Variants in TGM3 observed in about 807,000 individuals in gnomAD.
The protein encoded by TGM3 is transglutaminase 3.
In TGM3, 52 loss-of-function variants were observed where a neutral mutation model predicts 73.8. The ratio of observed to expected loss-of-function variants is 0.70; its 90% CI spans 0.56 to 0.89. The LOEUF (loss-of-function observed/expected upper bound fraction) is 0.89, where lower values mean the gene tolerates loss of function less well. TGM3 is among the 40% of genes least tolerant of loss of function. The probability of loss-of-function intolerance (pLI) is 0.00; values close to 1 mark genes in which losing one functional copy is unlikely to be tolerated. For missense variants in TGM3, 928 were observed against 909.9 expected (o/e 1.02, Z -0.26); for synonymous variants, 372 against 354.9 (o/e 1.05, Z -0.54).
Position 2,340,562 on chromosome 20 carries a change from C to A in TGM3, c.2063C>A (p.Ser688Tyr). The A allele has an allele frequency of 6.2e-7, 1 of 1,614,164 alleles. No individual in the cohort carries two copies. The highest frequency in any genetic ancestry group is 8.5e-7 in the Non-Finnish European group (1 of 1,180,024). The change falls in exon 13 of 13, where the codon TCC (serine) becomes TAC (tyrosine). Residue 688 changes from serine to tyrosine, a missense_variant. By Grantham distance (144) the Ser-to-Tyr change is moderately radical. Coordinates refer to ENST00000381458, the MANE Select transcript of TGM3 (RefSeq NM_003245.4). ...TTCCCTGCAATCAAGGCCATGTTGT[C>A]CATCGATGTAGCCGAATGAAGGGCG... ...NKFPAIKAML[S>Y]IDVAE is the part of the protein sequence containing the mutation.
chr20:2,306,862 G>A (rs2084179081), intron 1 of TGM3, among the ~76,000 whole-genome samples: 1 of 152,178 alleles, frequency 6.6e-6, no homozygotes. Flanking sequence ...AGGTTGGCAG[G>A]AGGAGAGGGG....
intron 7 of TGM3, among the ~76,000 whole-genome samples, chr20:2,321,369 C>G (rs1402317170): frequency 1.3e-5 from 2 of 152,148 alleles, no homozygotes; most frequent in Non-Finnish European, 1.5e-5. Context: ...TCAGAGACAG[C>G]ACAGAGGTAT....
At chr20:2,309,551 C>A in intron 1 of TGM3, 106 bp from the exon 2 acceptor site, 2 of 1,172,246 alleles carry the variant, frequency 1.7e-6, no homozygotes, top group Non-Finnish European at 2.4e-6. Context: ...TTGGCTCTGC[C>A]CTTGACAAGC....
At chr20:2,312,384 A>C (rs1296759871) in intron 4 of TGM3, among the ~76,000 whole-genome samples, 1 of 138,598 alleles carries the variant, frequency 7.2e-6, no homozygotes, top group Admixed American at 7.3e-5. Context: ...GTGACAGAGC[A>C]AGACTCCGTC....
chr20:2,337,645 G>A (rs923553660), intron 11 of TGM3, among the ~76,000 whole-genome samples: 11 of 149,602 alleles, frequency 7.4e-5, no homozygotes, highest in Non-Finnish European at 1.3e-4. Flanking sequence ...GCTTGAACCC[G>A]AGAGGCAGCG....
intron 1 of TGM3, among the ~76,000 whole-genome samples, chr20:2,305,980 C>T (rs1419405756): frequency 6.6e-6 from 1 of 152,194 alleles, no homozygotes; most frequent in Non-Finnish European, 1.5e-5. Context: ...CCTAGTGTGG[C>T]GTGCAAAATA....
intron 9 of TGM3, 128 bp from the exon 10 acceptor site, chr20:2,331,874 G>A: frequency 8.9e-7 from 1 of 1,121,792 alleles, no homozygotes; most frequent in Non-Finnish European, 1.3e-6. Context: ...ACCTGTGAAA[G>A]TCGAATGCCT....
Position 2,335,466 on chromosome 20 carries a change from C to T in TGM3, c.1800+193C>T, listed in dbSNP as rs560758996. ...ATAGCCAAGAGCTCCCACTCAGGCC[C>T]GTGTTCCTGCTCCCTGTCTGGTGAG... On this transcript the variant is annotated intron_variant, in intron 11 of 12. Coordinates refer to ENST00000381458, the MANE Select transcript of TGM3 (RefSeq NM_003245.4). Among the ~76,000 whole-genome samples, 181 of 152,334 alleles carry T rather than the reference C, an allele frequency of 1.2e-3. No homozygotes were observed. In the Middle Eastern group the frequency reaches 0.017, roughly 14 times the overall value.
At chr20:2,325,772 G>A in intron 7 of TGM3, 77 bp from the exon 8 acceptor site, 3 of 1,039,600 alleles carry the variant, frequency 2.9e-6, no homozygotes, top group South Asian at 2.7e-5. Context: ...GCACTGTTGG[G>A]GCAAAGATGT....
chr20:2,334,189 T>C lies in TGM3; in HGVS notation c.1643-927T>C, dbSNP rs189563951. 2.0e-5 allele frequency among the ~76,000 whole-genome samples: 3 copies of C among 152,244 alleles called. No individual in the cohort carries two copies. Among genetic ancestry groups the C allele is most frequent in the Admixed American group, 6.5e-5 (1 of 15,284 alleles). ...AGAGAAGCCAGGGGAGGCATTTCCA[T>C]CTGGGGGAACCATGTGAGTCAAAAT... On this transcript the variant is annotated intron_variant, in intron 10 of 12. Coordinates refer to ENST00000381458, the MANE Select transcript of TGM3 (RefSeq NM_003245.4). The surrounding 1 kb of genome is among the most constrained non-coding windows in gnomAD (Gnocchi z 4.0).
At chr20:2,321,576 G>A (rs1189625916) in intron 7 of TGM3, among the ~76,000 whole-genome samples, 1 of 152,176 alleles carries the variant, frequency 6.6e-6, no homozygotes, top group African/African-American at 2.4e-5. Context: ...TTTTATAAAC[G>A]TCAAAGACTG....
At position 2,328,159 on chromosome 20, in the gene TGM3, G is replaced by T; in HGVS notation, c.1127G>T (p.Arg376Leu). 6.2e-7 allele frequency: 1 copy of T among 1,614,162 alleles called. No homozygotes were observed. The highest frequency in any genetic ancestry group is 8.5e-7 in the Non-Finnish European group (1 of 1,180,040). Residue 376 changes from arginine to leucine, a missense_variant, in exon 9 of 13, where the codon CGA becomes CTA. Coordinates refer to ENST00000381458, the MANE Select transcript of TGM3 (RefSeq NM_003245.4). This position sits in a 1 kb window ranked among gnomAD's most constrained non-coding sequence, Gnocchi z 5.2. ...QCGPASVIGV[R>L]EGDVQLNFDM... The stretch of plus-strand genomic sequence containing the variant: ...GGCCCCGCTTCGGTCATTGGTGTTC[G>T]AGAGGGTGATGTGCAGCTGAACTTC...
At position 2,340,692 on chromosome 20, in the gene TGM3, C is replaced by T. The variant is rs2084377112; in HGVS notation, c.*111C>T. 3 of 1,434,050 alleles carry T rather than the reference C, an allele frequency of 2.1e-6. No homozygotes were observed. In the East Asian group the frequency reaches 7.3e-5, roughly 35 times the overall value. The allele number at this position is 1,434,050 out of a possible 1,614,324, so 88.8% of individuals were successfully genotyped here. ...CGGCCTGGGAAACCCTCTCCATCTC[C>T]CAAGGCTGCCAGACATGGACCTCCA... On this transcript the variant is annotated 3_prime_UTR_variant, in exon 13 of 13. Transcript: ENST00000381458.
intron 7 of TGM3, 40 bp from the exon 8 acceptor site, chr20:2,325,809 G>A (rs1326013215): frequency 1.4e-6 from 2 of 1,408,638 alleles, no homozygotes; most frequent in Non-Finnish European, 2.0e-6. Context: ...TCTGCTGTGT[G>A]GTCTTGGGCA....
intron 1 of TGM3, among the ~76,000 whole-genome samples, chr20:2,301,375 C>G (rs1043763763): frequency 2.0e-5 from 3 of 149,148 alleles, no homozygotes; most frequent in African/African-American, 7.5e-5. Flanking sequence ...CCGTGACTTC[C>G]CCTTTCATGA....
At chr20:2,340,033 C>CGGGGGGG in intron 12 of TGM3, 46 bp downstream of exon 12, 5 of 196,588 alleles carry the variant, frequency 2.5e-5, no homozygotes, top group East Asian at 1.6e-4. Flanking sequence ...CGGGAGGGGG[C>CGGGGGGG]GGGGGGGCCC....
At chr20:2,320,063 T>C (rs1238773183) in intron 7 of TGM3, among the ~76,000 whole-genome samples, 2 of 152,212 alleles carry the variant, frequency 1.3e-5, no homozygotes, top group Non-Finnish European at 2.9e-5. Context: ...TTGAATCCCA[T>C]GCAGGGGAGA....
chr20:2,312,389 T>C (rs1600696357), intron 4 of TGM3, among the ~76,000 whole-genome samples: 1 of 80,176 alleles, frequency 1.2e-5, no homozygotes, highest in African/African-American at 5.0e-5. Flanking sequence ...AGAGCAAGAC[T>C]CCGTCTCAAA....
At position 2,312,918 on chromosome 20, in the gene TGM3, C is replaced by T. The variant is rs988518942; in HGVS notation, c.561C>T (p.Ser187=). The change falls in exon 5 of 13, where the codon AGC becomes AGT. Residue 187 remains serine, a synonymous_variant. Transcript: ENST00000381458. ...AACAGTTTGAAGAAGACATTCTCAG[C>T]ATCTGCCTCTCAATCTTGGATAGGA... ...NFGQFEEDIL[S]ICLSILDRSL... is the part of the protein sequence containing the mutation. The T allele has an allele frequency of 1.9e-6, 3 of 1,614,072 alleles. No homozygotes were observed. Among genetic ancestry groups the T allele is most frequent in the African/African-American group, 1.3e-5 (1 of 74,920 alleles).
Sources: allele counts gnomAD v4.1 joint callset (sites outside exome capture counted in the v4.1 genomes callset), GRCh38; gene constraint gnomAD v4.1.1; non-coding constraint Gnocchi (gnomAD v3.1); transcripts MANE v1.5; gene names NCBI Gene and HGNC (gene_info 2026-07-23, HGNC 2026-07-21).